Variants in HDGFL3 observed in about 807,000 individuals in gnomAD.
HDGFL3 encodes HDGF like 3, also known as hepatoma-derived growth factor-related protein 3.
HDGFL3 carries 6 observed loss-of-function variants against 27.6 expected under a neutral mutation model. The ratio of observed to expected loss-of-function variants is 0.22; its 90% CI spans 0.12 to 0.43. The LOEUF is 0.43. Ranked by LOEUF, HDGFL3 falls within the 20% of genes least tolerant of loss-of-function variation. HDGFL3 has a pLI of 1.00. For missense variants in HDGFL3, 207 were observed against 250.1 expected (o/e 0.83, Z 1.16); for synonymous variants, 88 against 88.9 (o/e 0.99, Z 0.05).
chr15:83,143,890 G>T (rs1218492797), intron 5 of HDGFL3, among the ~76,000 whole-genome samples: 1 of 152,100 alleles, frequency 6.6e-6, no homozygotes, highest in Non-Finnish European at 1.5e-5. Context: ...TTGTGTGGTA[G>T]CCTTGTGTTT....
At chr15:83,200,881 C>G (rs866848523) in intron 1 of HDGFL3, among the ~76,000 whole-genome samples, 1 of 114,424 alleles carries the variant, frequency 8.7e-6, no homozygotes, top group Non-Finnish European at 1.7e-5. Context: ...TTTTTCACTT[C>G]TGTGTGGCTC....
chr15:83,200,024 G>A (rs1343030439), intron 1 of HDGFL3, among the ~76,000 whole-genome samples: 2 of 124,482 alleles, frequency 1.6e-5, no homozygotes, highest in African/African-American at 3.2e-5. Flanking sequence ...CAGCCTGGGC[G>A]ACAAAGCGAA....
In HDGFL3 at chr15:83,178,713, G is replaced by C. The variant is rs188170150; in HGVS notation, c.85-14638C>G. Among the ~76,000 whole-genome samples, 6 of 152,084 alleles carry C rather than the reference G, an allele frequency of 3.9e-5. No individual in the cohort carries two copies. The South Asian group carries it at 1.2e-3, about 32-fold the overall frequency. ...TTCTCATAGAGCTAAGTTTCTTTTA[G>C]AAAAATTGGGTTACCATTTTCTATG... On this transcript the variant is annotated intron_variant, in intron 1 of 5. Transcript: ENST00000299633.
intron 3 of HDGFL3, among the ~76,000 whole-genome samples, chr15:83,116,427 T>C (rs1466170304): frequency 6.6e-6 from 1 of 152,188 alleles, no homozygotes; most frequent in Non-Finnish European, 1.5e-5. Context: ...AGTCCTATTT[T>C]CTTATTTTAT....
chr15:83,196,318 T>C (rs1336884840), intron 1 of HDGFL3, among the ~76,000 whole-genome samples: 1 of 151,804 alleles, frequency 6.6e-6, no homozygotes, highest in African/African-American at 2.4e-5. Context: ...AAAACCATTT[T>C]TTAAAAGTTG....
Position 83,207,417 on chromosome 15 carries a change from C to A in HDGFL3, c.-3G>T. 7.5e-7 allele frequency: 1 copy of A among 1,330,956 alleles called. No homozygotes were observed. Among genetic ancestry groups the A allele is most frequent in the Non-Finnish European group, 9.7e-7 (1 of 1,035,984 alleles). The allele number at this position is 1,330,956 out of a possible 1,614,324, so 82.4% of individuals were successfully genotyped here. A position where few individuals can be genotyped will look rare whatever the true frequency, so the allele number is the denominator to read the frequency against. On this transcript the variant is annotated 5_prime_UTR_variant, in exon 1 of 6. Transcript: ENST00000299633. The surrounding 1 kb of genome is among the most constrained non-coding windows in gnomAD (Gnocchi z 4.8). ...TCGCGGGGCCGCGGACGCGCCATCCCAGCCGCTCCCCTTCCTGGTAGTCCT... is the reference window on the plus strand; with the variant it reads ...TCGCGGGGCCGCGGACGCGCCATCCAAGCCGCTCCCCTTCCTGGTAGTCCT...
intron 5 of HDGFL3, among the ~76,000 whole-genome samples, chr15:83,142,676 G>A (rs184889615): frequency 3.0e-4 from 46 of 151,976 alleles, no homozygotes; most frequent in Admixed American, 7.9e-4. Context: ...AAAGCAAGAC[G>A]ATTAAGATAC....
At chr15:83,145,724 A>G (rs868683743) in intron 5 of HDGFL3, among the ~76,000 whole-genome samples, 13 of 151,968 alleles carry the variant, frequency 8.6e-5, no homozygotes, top group African/African-American at 2.9e-4. Context: ...GTCATTCATC[A>G]TAATTCCTGT....
At chr15:83,194,528 A>G (rs1410261891) in intron 1 of HDGFL3, among the ~76,000 whole-genome samples, 1 of 152,220 alleles carries the variant, frequency 6.6e-6, no homozygotes, top group African/African-American at 2.4e-5. Context: ...TACACTTAAA[A>G]TGATTATTAA....
intron 5 of HDGFL3, among the ~76,000 whole-genome samples, chr15:83,141,876 G>A (rs2036778339): frequency 6.6e-6 from 1 of 152,192 alleles, no homozygotes; most frequent in Non-Finnish European, 1.5e-5. Flanking sequence ...TTTTCTAACT[G>A]GGGGAAAGCT....
chr15:83,147,052 G>A (rs548906275), intron 5 of HDGFL3, among the ~76,000 whole-genome samples: 1 of 151,786 alleles, frequency 6.6e-6, no homozygotes, highest in Admixed American at 6.6e-5. Flanking sequence ...ATGTGCACCA[G>A]ATCTTATACC....
intron 5 of HDGFL3, among the ~76,000 whole-genome samples, chr15:83,147,357 G>A (rs1360967638): frequency 6.6e-6 from 1 of 152,020 alleles, no homozygotes; most frequent in African/African-American, 2.4e-5. Flanking sequence ...ACCGCACCTG[G>A]CCCTACCTTC....
intron 1 of HDGFL3, among the ~76,000 whole-genome samples, chr15:83,202,697 T>C (rs1259639288): frequency 1.3e-5 from 2 of 152,154 alleles, no homozygotes; most frequent in Non-Finnish European, 2.9e-5. Context: ...AAATCTTAAA[T>C]GTACAGCTTG....
intron 1 of HDGFL3, among the ~76,000 whole-genome samples, chr15:83,193,652 T>C (rs2037538322): frequency 1.3e-5 from 2 of 152,218 alleles, no homozygotes; most frequent in African/African-American, 4.8e-5. Context: ...CACCTACCAG[T>C]GCCATGTCAA....
intron 5 of HDGFL3, among the ~76,000 whole-genome samples, chr15:83,141,130 A>G (rs748918409): frequency 1.3e-5 from 2 of 152,170 alleles, no homozygotes; most frequent in Non-Finnish European, 2.9e-5. Flanking sequence ...CTAATTCATC[A>G]TGGTATATAT....
chr15:83,151,030 C>T (rs561454418), intron 5 of HDGFL3, among the ~76,000 whole-genome samples, 185 bp downstream of exon 5: 7 of 152,294 alleles, frequency 4.6e-5, no homozygotes, highest in Non-Finnish European at 8.8e-5. Flanking sequence ...ATAATTCTCA[C>T]TTGGCTCTTT....
chr15:83,150,909 T>C (rs1259946823), intron 5 of HDGFL3, among the ~76,000 whole-genome samples: 1 of 152,214 alleles, frequency 6.6e-6, no homozygotes, highest in Non-Finnish European at 1.5e-5. Context: ...CTGTTGAATT[T>C]TGGGGTGGCA....
intron 3 of HDGFL3, chr15:83,119,812 A>G: frequency 7.0e-7 from 1 of 1,425,082 alleles, no homozygotes. Context: ...CCATGGGTGC[A>G]CGTCAGACGT....
chr15:83,174,041 A>G (rs548497558), intron 1 of HDGFL3, among the ~76,000 whole-genome samples: 30 of 152,322 alleles, frequency 2.0e-4, no homozygotes, highest in African/African-American at 7.2e-4. Flanking sequence ...CTAGAAACTT[A>G]TTATTAAAGT....
Sources: allele counts gnomAD v4.1 joint callset (sites outside exome capture counted in the v4.1 genomes callset), GRCh38; gene constraint gnomAD v4.1.1; non-coding constraint Gnocchi (gnomAD v3.1); transcripts MANE v1.5; gene names NCBI Gene and HGNC (gene_info 2026-07-23, HGNC 2026-07-21).